Variants in NFKBIZ observed in about 807,000 individuals in gnomAD.
NFKBIZ encodes NFKB inhibitor zeta.
In NFKBIZ, 19 loss-of-function variants were observed where a neutral mutation model predicts 76.8. That is an observed-to-expected ratio of 0.25 (90% CI 0.17 to 0.36). The LOEUF (loss-of-function observed/expected upper bound fraction) is 0.36, where lower values mean the gene tolerates loss of function less well. NFKBIZ is among the 10% of genes least tolerant of loss of function. NFKBIZ has a pLI of 1.00. For missense variants in NFKBIZ, 829 were observed against 910.9 expected (o/e 0.91, Z 1.16); for synonymous variants, 368 against 354.8 (o/e 1.04, Z -0.42).
intron 5 of NFKBIZ, 47 bp from the exon 6 acceptor site, chr3:101,854,531 A>G: frequency 1.8e-6 from 2 of 1,139,836 alleles, no homozygotes; most frequent in Non-Finnish European, 2.6e-6. Context: ...AGAACAACTT[A>G]GTGAAATCAG....
At chr3:101,840,583 A>G (rs1465155916) in intron 2 of NFKBIZ, among the ~76,000 whole-genome samples, 1 of 152,222 alleles carries the variant, frequency 6.6e-6, no homozygotes, top group Non-Finnish European at 1.5e-5. Context: ...GTTAAAGGGG[A>G]AGAAAAATTT....
intron 2 of NFKBIZ, among the ~76,000 whole-genome samples, chr3:101,840,746 G>A (rs1942776097): frequency 6.6e-6 from 1 of 152,208 alleles, no homozygotes; most frequent in Non-Finnish European, 1.5e-5. Flanking sequence ...ACCTGACTTT[G>A]TGCAAGGTGC....
upstream of NFKBIZ, among the ~76,000 whole-genome samples, chr3:101,847,868 C>T (rs921418688): frequency 2.6e-4 from 39 of 152,196 alleles, no homozygotes; most frequent in Admixed American, 2.3e-3. Context: ...TCCCCCCCTT[C>T]GTCCTAAAAC....
rs1190933257 is a variant in NFKBIZ, at chr3:101,860,955, G to T, written c.*1584G>T. ...ATAATCACCTTGTATCTCTAAATATGGTGTGATATGAACCAGTCCATTCAC... is the reference window on the plus strand; with the variant it reads ...ATAATCACCTTGTATCTCTAAATATTGTGTGATATGAACCAGTCCATTCAC... On this transcript the variant is annotated 3_prime_UTR_variant, in exon 12 of 12. Transcript: ENST00000326172. The T allele has an allele frequency of 6.6e-6, 1 of 151,896 alleles. No individual in the cohort carries two copies. Among genetic ancestry groups the T allele is most frequent in the Non-Finnish European group, 1.5e-5 (1 of 67,954 alleles). The allele number at this position is 151,896 out of a possible 1,614,324, so 9.4% of individuals were successfully genotyped here.
chr3:101,832,865 C>T (rs1942664371), intron 2 of NFKBIZ, among the ~76,000 whole-genome samples: 1 of 152,152 alleles, frequency 6.6e-6, no homozygotes, highest in African/African-American at 2.4e-5. Flanking sequence ...TTAGGAACTG[C>T]CATACTATTC....
Position 101,855,150 on chromosome 3 carries a change from G to C in NFKBIZ, c.1532G>C (p.Cys511Ser). The change falls in exon 7 of 12, where the codon TGC (cysteine) becomes TCC (serine). Residue 511 changes from cysteine (C) to serine (S), a missense_variant. Around this residue, in one of 4 missense-constraint regions of NFKBIZ, gnomAD observed 272 missense variants for 384.2 expected, o/e 0.71. Transcript: ENST00000326172. ...GGGGCACAGGTGAACACCACAGACTGCTGGGGAAGAACACCTCTGCATGTG... is the reference window on the plus strand; with the variant it reads ...GGGGCACAGGTGAACACCACAGACTCCTGGGGAAGAACACCTCTGCATGTG... ...NIGAQVNTTD[C>S]WGRTPLHVCA... is the part of the protein sequence containing the mutation. The C allele has an allele frequency of 6.2e-7, 1 of 1,613,978 alleles. No homozygotes were observed. Among genetic ancestry groups the C allele is most frequent in the Non-Finnish European group, 8.5e-7 (1 of 1,179,972 alleles).
chr3:101,857,136 C>A lies in NFKBIZ; in HGVS notation c.1888C>A (p.Arg630Ser). ...TGAAGAAGCAAATCTGGAACTCATT[C>A]GCCTCTTTTTGGAGCTGCCCAGTTG... ...AAEEANLELI[R>S]LFLELPSCLS... The change falls in exon 10 of 12, where the codon CGC (arginine) becomes AGC (serine). Residue 630 changes from arginine to serine, a missense_variant. This residue lies in a region of NFKBIZ where 272 missense variants were observed against 384.2 expected (regional missense o/e 0.71). Coordinates refer to ENST00000326172, the MANE Select transcript of NFKBIZ (RefSeq NM_031419.4). The A allele has an allele frequency of 6.2e-7, 1 of 1,612,928 alleles. No individual in the cohort carries two copies. Among genetic ancestry groups the A allele is most frequent in the Non-Finnish European group, 8.5e-7 (1 of 1,179,838 alleles).
At chr3:101,836,218 C>A (rs1942718669) in intron 2 of NFKBIZ, among the ~76,000 whole-genome samples, 1 of 152,176 alleles carries the variant, frequency 6.6e-6, no homozygotes, top group African/African-American at 2.4e-5. Context: ...TAATAGGAAT[C>A]AACTCTAGAC....
intron 1 of NFKBIZ, among the ~76,000 whole-genome samples, chr3:101,828,517 C>A (rs1942591039): frequency 6.6e-6 from 1 of 152,180 alleles, no homozygotes; most frequent in Admixed American, 6.5e-5. Flanking sequence ...TGACCTAGAA[C>A]TATGATATCC....
intron 9 of NFKBIZ, among the ~76,000 whole-genome samples, chr3:101,856,450 T>A (rs1330294559): frequency 6.6e-6 from 1 of 152,244 alleles, no homozygotes; most frequent in Non-Finnish European, 1.5e-5. Flanking sequence ...AAATAAATAG[T>A]CTTTGAAAGG....
At chr3:101,857,496 C>T in intron 11 of NFKBIZ, 37 bp downstream of exon 11, 1 of 1,611,006 alleles carries the variant, frequency 6.2e-7, no homozygotes, top group Non-Finnish European at 8.5e-7. Context: ...TATTTTTTGG[C>T]ACTGCAGTCT....
chr3:101,839,762 T>G (rs1299085953), intron 2 of NFKBIZ, among the ~76,000 whole-genome samples: 1 of 152,162 alleles, frequency 6.6e-6, no homozygotes, highest in East Asian at 1.9e-4. Context: ...TGGGGTTAAT[T>G]GCCTTCAAAA....
Position 101,859,375 on chromosome 3 carries a change from C to T in NFKBIZ, c.*4C>T. The stretch of plus-strand genomic sequence containing the variant: ...GCAGAGAGCTCCACCGTATTAGCTC[C>T]ATTAGCTTGGAGCCTGGCTAGCAAC... On this transcript the variant is annotated 3_prime_UTR_variant, in exon 12 of 12. Transcript: ENST00000326172. The T allele has an allele frequency of 6.2e-7, 1 of 1,613,206 alleles. No individual in the cohort carries two copies. The highest frequency in any genetic ancestry group is 8.5e-7 in the Non-Finnish European group (1 of 1,179,244).
intron 2 of NFKBIZ, among the ~76,000 whole-genome samples, chr3:101,833,195 G>A (rs1428825924): frequency 6.6e-6 from 1 of 152,210 alleles, no homozygotes; most frequent in Non-Finnish European, 1.5e-5. Context: ...TGGCAATGCA[G>A]TTCCACATCT....
chr3:101,853,682 G>A lies in NFKBIZ; in HGVS notation c.1156G>A (p.Val386Met), dbSNP rs1447481577. 5.0e-6 allele frequency: 8 copies of A among 1,614,256 alleles called. No individual in the cohort carries two copies. Among genetic ancestry groups the A allele is most frequent in the Non-Finnish European group, 6.8e-6 (8 of 1,180,048 alleles). The change falls in exon 5 of 12, where the codon GTG becomes ATG. Residue 386 changes from valine to methionine, a missense_variant. Coordinates refer to ENST00000326172, the MANE Select transcript of NFKBIZ (RefSeq NM_031419.4). ...GCCCAGCAGCGCCTGTGAGGCCATG[G>A]TGGGGCACGAGATGGCCTCTGACTC... ...MMPSSACEAM[V>M]GHEMASDSSN...
In NFKBIZ at chr3:101,860,517, T is replaced by G. The variant is rs1370200277; in HGVS notation, c.*1146T>G. On this transcript the variant is annotated 3_prime_UTR_variant, in exon 12 of 12. Coordinates refer to ENST00000326172, the MANE Select transcript of NFKBIZ (RefSeq NM_031419.4). The stretch of plus-strand genomic sequence containing the variant: ...GAGAACACCTCTTTATGGCTTACCC[T>G]CTAGAATTTCTAATTTATGTGTTCT... The G allele has an allele frequency of 1.3e-5, 2 of 152,106 alleles. No individual in the cohort carries two copies. The highest frequency in any genetic ancestry group is 2.9e-5 in the Non-Finnish European group (2 of 68,004). The allele number at this position is 152,106 out of a possible 1,614,324, so 9.4% of individuals were successfully genotyped here.
chr3:101,835,661 G>A (rs1329275330), intron 2 of NFKBIZ, among the ~76,000 whole-genome samples: 1 of 152,094 alleles, frequency 6.6e-6, no homozygotes, highest in Non-Finnish European at 1.5e-5. Flanking sequence ...GATTAGATGA[G>A]GACTCACCCC....
chr3:101,856,446 A>G (rs539430468), intron 9 of NFKBIZ, among the ~76,000 whole-genome samples: 1 of 152,246 alleles, frequency 6.6e-6, no homozygotes, highest in African/African-American at 2.4e-5. Flanking sequence ...TATAAAATAA[A>G]TAGTCTTTGA....
intron 2 of NFKBIZ, among the ~76,000 whole-genome samples, chr3:101,830,605 T>G (rs1340113314): frequency 6.6e-6 from 1 of 152,246 alleles, no homozygotes; most frequent in Non-Finnish European, 1.5e-5. Flanking sequence ...GTTAATTCAC[T>G]TGGGATAATG....
Sources: allele counts gnomAD v4.1 joint callset (sites outside exome capture counted in the v4.1 genomes callset), GRCh38; gene constraint gnomAD v4.1.1; regional missense constraint gnomAD v4.1.1; transcripts MANE v1.5; gene names NCBI Gene and HGNC (gene_info 2026-07-23, HGNC 2026-07-21).